SBNO1: variants seen among roughly 807,000 people sequenced by gnomAD.
The protein encoded by SBNO1 is strawberry notch homolog 1, also known as protein strawberry notch homolog 1.
In SBNO1, 23 loss-of-function variants were observed where a neutral mutation model predicts 173.6. The ratio of observed to expected loss-of-function variants is 0.13; its 90% CI spans 0.10 to 0.19. The LOEUF (loss-of-function observed/expected upper bound fraction) is 0.19. Ranked by LOEUF, SBNO1 falls within the 10% of genes least tolerant of loss-of-function variation. The pLI is 1.00. For synonymous variants in SBNO1, 632 were observed against 571.5 expected (o/e 1.11, Z -1.51); for missense variants, 1,238 against 1,671.2 (o/e 0.74, Z 4.52).
intron 1 of SBNO1, among the ~76,000 whole-genome samples, chr12:123,354,917 C>T (rs555231079): frequency 1.9e-3 from 287 of 152,244 alleles, no homozygotes; most frequent in African/African-American, 6.1e-3. Flanking sequence ...AAGCTGGGTG[C>T]GGTGACTCAC....
At chr12:123,308,317 A>G (rs1298032852) in intron 28 of SBNO1, among the ~76,000 whole-genome samples, 1 of 152,196 alleles carries the variant, frequency 6.6e-6, no homozygotes, top group Non-Finnish European at 1.5e-5. Flanking sequence ...AATGAGTCTT[A>G]AAGATATAAA....
chr12:123,297,201 A>C (rs2048627584), intron 31 of SBNO1, among the ~76,000 whole-genome samples: 1 of 150,864 alleles, frequency 6.6e-6, no homozygotes, highest in Non-Finnish European at 1.5e-5. Flanking sequence ...CTCCACTAAA[A>C]AAATATAAAA....
intron 9 of SBNO1, 67 bp from the exon 10 acceptor site, chr12:123,328,962 T>C: frequency 1.1e-6 from 1 of 931,296 alleles, no homozygotes; most frequent in Non-Finnish European, 1.6e-6. Flanking sequence ...TCATCCCAAC[T>C]AAACATTCAC....
At position 123,320,732 on chromosome 12, in the gene SBNO1, G is replaced by A; in HGVS notation, c.2458C>T (p.Pro820Ser). The change falls in exon 18 of 32, where the codon CCA becomes TCA. Residue 820 changes from proline (P) to serine (S), a missense_variant. Transcript: ENST00000602398. ...GSKRPSFSST[P>S]VISPAPNSTP... ...CTGTTAGGAGCAGGTGAGATAACTG[G>A]TGTAGATGAAAAACTAGGTCGTTTT... The A allele has an allele frequency of 1.2e-6, 2 of 1,611,896 alleles. No homozygotes were observed. Among genetic ancestry groups the A allele is most frequent in the Non-Finnish European group, 8.5e-7 (1 of 1,179,480 alleles).
chr12:123,328,674 C>T, intron 10 of SBNO1, 60 bp downstream of exon 10: 2 of 1,289,786 alleles, frequency 1.6e-6, no homozygotes, highest in Non-Finnish European at 2.1e-6. Context: ...TCCCAAAGGT[C>T]TACCCTTTTA....
At chr12:123,318,718 A>G (rs112410842) in intron 20 of SBNO1, among the ~76,000 whole-genome samples, 4 of 147,044 alleles carry the variant, frequency 2.7e-5, no homozygotes, top group African/African-American at 9.9e-5. Context: ...AGCCTGGGCA[A>G]CAGAGTAAGA....
At chr12:123,363,294 C>T (rs28553365) in intron 1 of SBNO1, among the ~76,000 whole-genome samples, 2,891 of 152,230 alleles carry the variant, frequency 0.019, 40 homozygotes, top group Non-Finnish European at 0.03. Flanking sequence ...ATTCTGCTAT[C>T]TTCTGTGCAA....
intron 1 of SBNO1, 66 bp downstream of exon 1, chr12:123,364,635 G>GGA (rs1875925981): frequency 1.7e-5 from 9 of 515,236 alleles, no homozygotes; most frequent in South Asian, 1.9e-4. Context: ...CCCCCCGAGG[G>GGA]TGGGAGTGGG....
At chr12:123,319,738 T>TA (rs1312937538) in intron 20 of SBNO1, among the ~76,000 whole-genome samples, 162 bp downstream of exon 20, 1 of 152,048 alleles carries the variant, frequency 6.6e-6, no homozygotes, top group Non-Finnish European at 1.5e-5. Context: ...GATAAAATAA[T>TA]AAAAACACGT....
chr12:123,326,068 A>G, intron 14 of SBNO1, 84 bp downstream of exon 14: 3 of 973,832 alleles, frequency 3.1e-6, no homozygotes, highest in Non-Finnish European at 4.4e-6. Context: ...GGAAAACCAG[A>G]TTTTACAAGC....
At chr12:123,350,589 A>G (rs987739807) in intron 1 of SBNO1, 148 bp from the exon 2 acceptor site, 38 of 686,250 alleles carry the variant, frequency 5.5e-5, no homozygotes, top group Non-Finnish European at 7.5e-5. Context: ...CAAAGAGGAT[A>G]AAAGAGAAAT....
chr12:123,340,581 C>CAAAAAAAAAAAAA (rs752794679), intron 5 of SBNO1, among the ~76,000 whole-genome samples: 1 of 46,818 alleles, frequency 2.1e-5, no homozygotes, highest in Non-Finnish European at 4.0e-5. Context: ...GACTCTGTCT[C>CAAAAAAAAAAAAA]AAAAAAAAAA....
intron 5 of SBNO1, among the ~76,000 whole-genome samples, chr12:123,338,669 C>T (rs1301535099): frequency 1.3e-5 from 2 of 151,728 alleles, no homozygotes; most frequent in Non-Finnish European, 2.9e-5. Context: ...TGTGACAGAG[C>T]GAGACTCCAT....
At chr12:123,308,161 A>G (rs979004013) in intron 28 of SBNO1, among the ~76,000 whole-genome samples, 2 of 152,224 alleles carry the variant, frequency 1.3e-5, no homozygotes, top group African/African-American at 4.8e-5. Context: ...GAGTAAGTAA[A>G]TATGAAACTC....
At chr12:123,312,962 T>C (rs1332088400) in intron 24 of SBNO1, among the ~76,000 whole-genome samples, 1 of 151,948 alleles carries the variant, frequency 6.6e-6, no homozygotes, top group Admixed American at 6.6e-5. Flanking sequence ...TCCAGCACTT[T>C]GGGAGGCTAA....
rs572014565 is a variant in SBNO1, at chr12:123,294,670, G to GAAAAAAAGAAAAGAAAGA, written c.*1237_*1238insTCTTTCTTTTCTTTTTTT. On this transcript the variant is annotated 3_prime_UTR_variant, in exon 32 of 32. Coordinates refer to ENST00000602398, the MANE Select transcript of SBNO1 (RefSeq NM_001167856.3). Reference sequence around the variant, plus strand: ...AAAAAAAAAAAAAAAAAGAAAAAAAGAAAAGAAAGAAAAAGAAAGAAAAGA... The same window carrying GAAAAAAAGAAAAGAAAGA: ...AAAAAAAAAAAAAAAAAGAAAAAAAGAAAAAAAGAAAAGAAAGAAAAAGAAAGAAAAAGAAAGAAAAGA... 1 of 98,988 alleles carries GAAAAAAAGAAAAGAAAGA rather than the reference G, an allele frequency of 1.0e-5. No individual in the cohort carries two copies. Among genetic ancestry groups the GAAAAAAAGAAAAGAAAGA allele is most frequent in the African/African-American group, 4.0e-5 (1 of 24,758 alleles). The allele number at this position is 98,988 out of a possible 1,614,324, so 6.1% of individuals were successfully genotyped here. A position where few individuals can be genotyped will look rare whatever the true frequency, so the allele number is the denominator to read the frequency against.
rs146085751 is a variant in SBNO1 at position 123,320,634 on chromosome 12, T to G, written c.2492-27A>C. On this transcript the variant is annotated intron_variant, in intron 18 of 31. Coordinates refer to ENST00000602398, the MANE Select transcript of SBNO1 (RefSeq NM_001167856.3). ...TAGATAAAGAACATTTGCTAAAAGT[T>G]AGTACAAAGTTTAAATATTTTTGTT... is the stretch of plus-strand genomic sequence containing the variant. The G allele has an allele frequency of 1.7e-5, 28 of 1,600,626 alleles. No homozygotes were observed. In the South Asian group the frequency reaches 3.2e-4, roughly 18 times the overall value.
intron 6 of SBNO1, among the ~76,000 whole-genome samples, chr12:123,335,725 C>T (rs189632919): frequency 5.3e-5 from 8 of 152,202 alleles, no homozygotes; most frequent in Admixed American, 5.2e-4. Context: ...TATAAAAAAG[C>T]GAGTGGTCCA....
chr12:123,360,287 G>A (rs887031426), intron 1 of SBNO1, among the ~76,000 whole-genome samples: 2 of 151,858 alleles, frequency 1.3e-5, no homozygotes, highest in African/African-American at 4.8e-5. Context: ...ACTTTAGAAA[G>A]GCAAAGCATG....
Sources: allele counts gnomAD v4.1 joint callset (sites outside exome capture counted in the v4.1 genomes callset), GRCh38; gene constraint gnomAD v4.1.1; transcripts MANE v1.5; gene names NCBI Gene and HGNC (gene_info 2026-07-23, HGNC 2026-07-21).